MCTP2: variants seen among roughly 807,000 people sequenced by gnomAD.
The protein encoded by MCTP2 is multiple C2 and transmembrane domain-containing protein 2.
MCTP2 carries 132 observed loss-of-function variants against 111.6 expected under a neutral mutation model. The observed-to-expected ratio is 1.18, with a 90% CI of 1.03 to 1.37. The LOEUF (loss-of-function observed/expected upper bound fraction) is 1.37, where lower values mean the gene tolerates loss of function less well. MCTP2 is among the 40% of genes most tolerant of loss of function. MCTP2 has a pLI of 0.00. For synonymous variants in MCTP2, 395 were observed against 387.7 expected (o/e 1.02, Z -0.22); for missense variants, 1,183 against 1,067.9 (o/e 1.11, Z -1.50).
chr15:94,435,030 AT>A (rs1469941972), intron 17 of MCTP2, among the ~76,000 whole-genome samples: 1 of 151,508 alleles, frequency 6.6e-6, no homozygotes, highest in South Asian at 2.1e-4. Context: ...TGCCTGGCTA[AT>A]TTTTCTATTT....
At chr15:94,455,902 A>G (rs1431867816) in intron 19 of MCTP2, among the ~76,000 whole-genome samples, 1 of 152,258 alleles carries the variant, frequency 6.6e-6, no homozygotes, top group East Asian at 1.9e-4. Flanking sequence ...AGTTGTAGCT[A>G]GTAACTGACT....
chr15:94,380,972 A>C (rs569812938), intron 12 of MCTP2, among the ~76,000 whole-genome samples: 3 of 152,342 alleles, frequency 2.0e-5, no homozygotes, highest in Middle Eastern at 3.4e-3. Flanking sequence ...CTAAACCTCA[A>C]TGTGAAACTG....
intron 4 of MCTP2, 22 bp from the exon 5 acceptor site, chr15:94,339,268 T>C (rs2077514968): frequency 6.4e-7 from 1 of 1,557,474 alleles, no homozygotes; most frequent in East Asian, 2.2e-5. Context: ...AAATTCTGTC[T>C]TGTTTTCTTT....
chr15:94,431,898 T>C (rs1212995862), intron 17 of MCTP2, among the ~76,000 whole-genome samples: 1 of 152,220 alleles, frequency 6.6e-6, no homozygotes, highest in East Asian at 1.9e-4. Context: ...AATGAGTTGA[T>C]GTACACAGTA....
At chr15:94,256,426 C>T (rs1351529393) in intron 1 of MCTP2, among the ~76,000 whole-genome samples, 1 of 152,168 alleles carries the variant, frequency 6.6e-6, no homozygotes, top group African/African-American at 2.4e-5. Flanking sequence ...CCCTCCTCCC[C>T]ATGTCTGTTG....
chr15:94,347,465 G>T (rs968628977), intron 8 of MCTP2, among the ~76,000 whole-genome samples: 1 of 151,936 alleles, frequency 6.6e-6, no homozygotes, highest in African/African-American at 2.4e-5. Context: ...GCTTCTTAAT[G>T]CCATAAATCT....
intron 17 of MCTP2, among the ~76,000 whole-genome samples, chr15:94,422,364 A>G (rs938146913): frequency 7.2e-5 from 11 of 151,960 alleles, no homozygotes; most frequent in African/African-American, 2.7e-4. Context: ...AAGGGGCACT[A>G]AATCCATGGT....
chr15:94,318,108 C>A (rs755821311), intron 4 of MCTP2, among the ~76,000 whole-genome samples: 36 of 152,150 alleles, frequency 2.4e-4, no homozygotes, highest in Admixed American at 6.5e-4. Context: ...GGCACAGTGT[C>A]CAGTGGTTAC....
intron 21 of MCTP2, among the ~76,000 whole-genome samples, chr15:94,475,520 C>T (rs1054251352): frequency 1.3e-5 from 2 of 152,122 alleles, no homozygotes; most frequent in Non-Finnish European, 2.9e-5. Context: ...GACTACTGAA[C>T]AGTTAAATGT....
At chr15:94,336,769 GTATA>G (rs2077385415) in intron 4 of MCTP2, among the ~76,000 whole-genome samples, 1 of 151,278 alleles carries the variant, frequency 6.6e-6, no homozygotes, top group Non-Finnish European at 1.5e-5. Flanking sequence ...ACATATATAT[GTATA>G]TATGTACTGC....
At position 94,442,104 on chromosome 15, in the gene MCTP2, C is replaced by T. The variant is rs565781002; in HGVS notation, c.2209-815C>T. 3.9e-5 allele frequency among the ~76,000 whole-genome samples: 6 copies of T among 152,322 alleles called. No homozygotes were observed. In the East Asian group the frequency reaches 1.2e-3, roughly 29 times the overall value. On this transcript the variant is annotated intron_variant, in intron 18 of 22. Transcript: ENST00000357742. Reference sequence around the variant, plus strand: ...TAGTGGAACAGTGACATCTGAACAGCGTGCCTGACCTTTGCAAGGTTAAGC... The same window carrying T: ...TAGTGGAACAGTGACATCTGAACAGTGTGCCTGACCTTTGCAAGGTTAAGC...
intron 17 of MCTP2, among the ~76,000 whole-genome samples, chr15:94,437,174 AAAAAG>A (rs74823244): frequency 1.9e-4 from 28 of 149,922 alleles, no homozygotes; most frequent in African/African-American, 6.4e-4. Context: ...AAAAAAAAAA[AAAAAG>A]AGGTTTAGCA....
intron 2 of MCTP2, 60 bp downstream of exon 2, chr15:94,298,790 C>T: frequency 1.8e-6 from 2 of 1,141,998 alleles, no homozygotes; most frequent in East Asian, 5.2e-5. Flanking sequence ...CTTTCCCTCT[C>T]TTTCTCCCTC....
Position 94,479,206 on chromosome 15 carries a change from C to A in MCTP2, c.*172C>A, listed in dbSNP as rs1318581720. On this transcript the variant is annotated 3_prime_UTR_variant, in exon 23 of 23. Transcript: ENST00000357742. ...ACAGACATACACACATGTGCACACACCCTCATGCATGGGTGTCCTAGTTGC... is the reference window on the plus strand; with the variant it reads ...ACAGACATACACACATGTGCACACAACCTCATGCATGGGTGTCCTAGTTGC... The A allele has an allele frequency of 9.2e-6, 6 of 655,218 alleles. No homozygotes were observed. The highest frequency in any genetic ancestry group is 1.7e-5 in the Non-Finnish European group (6 of 362,654). The allele number at this position is 655,218 out of a possible 1,614,324, so 40.6% of individuals were successfully genotyped here. A position where few individuals can be genotyped will look rare whatever the true frequency, so the allele number is the denominator to read the frequency against.
chr15:94,449,948 A>G (rs1389816803), intron 19 of MCTP2, among the ~76,000 whole-genome samples: 3 of 152,178 alleles, frequency 2.0e-5, no homozygotes, highest in Admixed American at 6.5e-5. Context: ...GAGACTTTTA[A>G]TGAAATCAAT....
intron 1 of MCTP2, among the ~76,000 whole-genome samples, chr15:94,272,677 C>G (rs1424827416): frequency 6.6e-6 from 1 of 152,068 alleles, no homozygotes; most frequent in Non-Finnish European, 1.5e-5. Context: ...CTATAAAACA[C>G]CCTTCCTTTG....
At chr15:94,450,784 G>C (rs1367244812) in intron 19 of MCTP2, among the ~76,000 whole-genome samples, 2 of 152,160 alleles carry the variant, frequency 1.3e-5, no homozygotes, top group Admixed American at 6.5e-5. Flanking sequence ...CATGTCAGAA[G>C]GATTTTTTCC....
chr15:94,274,751 G>C (rs1421002224), intron 1 of MCTP2, among the ~76,000 whole-genome samples: 1 of 152,004 alleles, frequency 6.6e-6, no homozygotes, highest in Non-Finnish European at 1.5e-5. Flanking sequence ...ATATACACAT[G>C]CATGCCAGAG....
At chr15:94,443,046 T>TC in intron 19 of MCTP2, 86 bp downstream of exon 19, 3 of 812,356 alleles carry the variant, frequency 3.7e-6, no homozygotes, top group Non-Finnish European at 5.3e-6. Context: ...CTCTCTCCTC[T>TC]CTTTTTTTTT....
Sources: gnomAD v4.1 joint callset for allele counts (sites outside exome capture counted in the v4.1 genomes callset) on GRCh38, gnomAD v4.1.1 for gene constraint, MANE v1.5 for transcripts, NCBI Gene and HGNC (gene_info 2026-07-23, HGNC 2026-07-21) for gene names.